RBM26: variants seen among roughly 807,000 people sequenced by gnomAD.
RBM26 encodes RNA binding motif protein 26, also known as RNA-binding protein 26.
In RBM26, 30 loss-of-function variants were observed where a neutral mutation model predicts 123.6. The ratio of observed to expected loss-of-function variants is 0.24; its 90% CI spans 0.18 to 0.33. RBM26 has a LOEUF of 0.33. Among genes scored for constraint, RBM26 ranks in the 10% least tolerant of loss-of-function variants. RBM26 has a pLI of 1.00. For missense variants in RBM26, 947 were observed against 1,203.6 expected (o/e 0.79, Z 3.15); for synonymous variants, 400 against 404.4 (o/e 0.99, Z 0.13).
At chr13:79,317,765 C>G (rs1418257033), downstream of RBM26, among the ~76,000 whole-genome samples, 2 of 151,672 alleles carry the variant, frequency 1.3e-5, no homozygotes, top group Non-Finnish European at 3.0e-5. Flanking sequence ...GTGACAAACT[C>G]AAACTGTATC....
chr13:79,377,791 C>G, intron 2 of RBM26, among the ~76,000 whole-genome samples: 1 of 152,082 alleles, frequency 6.6e-6, no homozygotes, highest in East Asian at 1.9e-4. Flanking sequence ...GCCTGTAATT[C>G]CAGATACTAG....
At chr13:79,367,961 G>A (rs1370319601) in intron 6 of RBM26, among the ~76,000 whole-genome samples, 1 of 151,850 alleles carries the variant, frequency 6.6e-6, no homozygotes, top group Non-Finnish European at 1.5e-5. Context: ...TTGCAATGAT[G>A]GCTTTAATAC....
At chr13:79,371,420 T>C (rs1235756929) in intron 4 of RBM26, among the ~76,000 whole-genome samples, 1 of 152,218 alleles carries the variant, frequency 6.6e-6, no homozygotes, top group African/African-American at 2.4e-5. Flanking sequence ...GGCATCTGTA[T>C]ATAAGACTTA....
At chr13:79,329,782 A>T (rs191526015) in intron 20 of RBM26, among the ~76,000 whole-genome samples, 1 of 152,338 alleles carries the variant, frequency 6.6e-6, no homozygotes, top group East Asian at 1.9e-4. Context: ...AAGAAATTAG[A>T]CAAATGTCAA....
chr13:79,387,036 C>T (rs2077556100), intron 1 of RBM26, among the ~76,000 whole-genome samples: 1 of 152,058 alleles, frequency 6.6e-6, no homozygotes, highest in African/African-American at 2.4e-5. Context: ...CTTTCTCTAA[C>T]ATTGCTACCA....
chr13:79,345,460 G>A (rs971752779), intron 14 of RBM26, among the ~76,000 whole-genome samples: 3 of 151,574 alleles, frequency 2.0e-5, no homozygotes, highest in Non-Finnish European at 4.4e-5. Context: ...AAAAAAAAAC[G>A]ACCTGATAAT....
chr13:79,331,824 C>T (rs2069474953), intron 20 of RBM26, among the ~76,000 whole-genome samples: 2 of 152,160 alleles, frequency 1.3e-5, no homozygotes, highest in South Asian at 2.1e-4. Flanking sequence ...GACTGCTTTA[C>T]TCTTGTCTGA....
intron 14 of RBM26, among the ~76,000 whole-genome samples, chr13:79,346,218 G>C (rs954613005): frequency 5.9e-5 from 9 of 152,164 alleles, no homozygotes; most frequent in Non-Finnish European, 1.2e-4. Context: ...CATGAAATCT[G>C]ATTAGGGAAC....
intron 1 of RBM26, among the ~76,000 whole-genome samples, chr13:79,392,013 T>TATACA (rs77084012): frequency 0.67 from 76,839 of 115,016 alleles, 27,292 homozygotes; most frequent in African/African-American, 0.8. Flanking sequence ...AATTATATAT[T>TATACA]ATACATTATT....
chr13:79,387,845 T>C (rs754423660), intron 1 of RBM26, among the ~76,000 whole-genome samples: 7 of 152,198 alleles, frequency 4.6e-5, no homozygotes, highest in Admixed American at 1.3e-4. Flanking sequence ...TAGAAACATT[T>C]TGTGTATTTC....
At chr13:79,369,553 G>A (rs1310985454) in intron 5 of RBM26, among the ~76,000 whole-genome samples, 1 of 151,998 alleles carries the variant, frequency 6.6e-6, no homozygotes, top group African/African-American at 2.4e-5. Flanking sequence ...TCACAGCAGG[G>A]GAAAATTTCT....
At chr13:79,400,188 C>T (rs1258416267) in intron 1 of RBM26, among the ~76,000 whole-genome samples, 1 of 152,174 alleles carries the variant, frequency 6.6e-6, no homozygotes, top group Non-Finnish European at 1.5e-5. Context: ...GCATGTATTA[C>T]AAAGAAAACC....
chr13:79,359,509 A>G, intron 10 of RBM26, 66 bp downstream of exon 10: 1 of 763,586 alleles, frequency 1.3e-6, no homozygotes, highest in South Asian at 1.6e-5. Context: ...TATTGTCATA[A>G]TAATACAGAA....
chr13:79,332,532 A>G (rs1481575919), intron 20 of RBM26, among the ~76,000 whole-genome samples: 1 of 152,178 alleles, frequency 6.6e-6, no homozygotes, highest in Non-Finnish European at 1.5e-5. Flanking sequence ...GGATATGCTT[A>G]TGCTTTAACA....
intron 1 of RBM26, among the ~76,000 whole-genome samples, chr13:79,404,752 C>G (rs2079375205): frequency 6.6e-6 from 1 of 152,190 alleles, no homozygotes; most frequent in Non-Finnish European, 1.5e-5. Context: ...CCTTCCTTGA[C>G]CAATGTGAAA....
At chr13:79,389,826 A>C (rs1335768189) in intron 1 of RBM26, among the ~76,000 whole-genome samples, 1 of 152,208 alleles carries the variant, frequency 6.6e-6, no homozygotes, top group African/African-American at 2.4e-5. Context: ...TCCCCTAAAA[A>C]GTAATAATTA....
chr13:79,393,758 G>A (rs767142956), intron 1 of RBM26, among the ~76,000 whole-genome samples: 2 of 152,144 alleles, frequency 1.3e-5, no homozygotes, highest in African/African-American at 2.4e-5. Flanking sequence ...GGTCTGCACC[G>A]AGTGGACCTG....
chr13:79,320,802 C>T (rs1253796426), intron 21 of RBM26, 92 bp from the exon 22 acceptor site: 1 of 1,271,028 alleles, frequency 7.9e-7, no homozygotes, highest in South Asian at 1.8e-5. Context: ...TCTCTCTCAA[C>T]AGAGTTGAAT....
In RBM26 at chr13:79,344,336, T is replaced by C. The variant is rs1386014921; in HGVS notation, c.2185-14A>G. 1 of 1,537,342 alleles carries C rather than the reference T, an allele frequency of 6.5e-7. No individual in the cohort carries two copies. Among genetic ancestry groups the C allele is most frequent in the East Asian group, 2.3e-5 (1 of 44,382 alleles). ...TTTCAATGCCTCCTAGAATCAGGGATCAAAAATATCATTAGAATATTACTA... is the reference window on the plus strand; with the variant it reads ...TTTCAATGCCTCCTAGAATCAGGGACCAAAAATATCATTAGAATATTACTA... On this transcript the variant is annotated splice_polypyrimidine_tract_variant and intron_variant, in intron 15 of 21. Transcript: ENST00000438737.
Sources: allele counts gnomAD v4.1 joint callset (sites outside exome capture counted in the v4.1 genomes callset), GRCh38; gene constraint gnomAD v4.1.1; transcripts MANE v1.5; gene names NCBI Gene and HGNC (gene_info 2026-07-23, HGNC 2026-07-21).